SLC35F3: variants seen among roughly 807,000 people sequenced by gnomAD.
The protein encoded by SLC35F3 is solute carrier family 35 member F3.
SLC35F3 carries 25 observed loss-of-function variants against 49.9 expected under a neutral mutation model. The ratio of observed to expected loss-of-function variants is 0.50; its 90% CI spans 0.37 to 0.70. SLC35F3 has a LOEUF of 0.70. SLC35F3 is among the 30% of genes least tolerant of loss of function. SLC35F3 has a pLI of 0.00. For synonymous variants in SLC35F3, 275 were observed against 265.4 expected (o/e 1.04, Z -0.35); for missense variants, 525 against 639.8 (o/e 0.82, Z 1.94).
At position 234,303,694 on chromosome 1, in the gene SLC35F3, TGTG is replaced by T. The variant is rs888742392; in HGVS notation, c.609-5400_609-5398del. Among the ~76,000 whole-genome samples the T allele has an allele frequency of 9.2e-4, 140 of 152,374 alleles. 1 individual carries two copies. The highest frequency in any genetic ancestry group is 3.3e-3 in the African/African-American group (137 of 41,594). On this transcript the variant is annotated intron_variant, in intron 3 of 7. Coordinates refer to ENST00000366618, the MANE Select transcript of SLC35F3 (RefSeq NM_173508.4). The stretch of plus-strand genomic sequence containing the variant: ...ATGATTGTCTAGCTTCCATTTTGGT[TGTG>T]GTGGTGTCTGATGAAATTACAATTT...
intron 2 of SLC35F3, among the ~76,000 whole-genome samples, chr1:234,206,739 C>T (rs954580089): frequency 6.6e-6 from 1 of 152,146 alleles, no homozygotes; most frequent in African/African-American, 2.4e-5. Flanking sequence ...TGGCTGCCTT[C>T]GGAGAGAGGC....
intron 2 of SLC35F3, among the ~76,000 whole-genome samples, chr1:234,122,445 A>T (rs1480282917): frequency 6.6e-6 from 1 of 152,234 alleles, no homozygotes; most frequent in African/African-American, 2.4e-5. Flanking sequence ...ATGGCATCAT[A>T]TTTGGGGCAT....
intron 2 of SLC35F3, among the ~76,000 whole-genome samples, chr1:234,155,432 C>G (rs927740496): frequency 7.3e-6 from 1 of 137,794 alleles, no homozygotes; most frequent in African/African-American, 3.0e-5. Context: ...TTTTGAGAGA[C>G]AAAGTCTTAC....
intron 2 of SLC35F3, among the ~76,000 whole-genome samples, chr1:234,029,070 C>G (rs1664019605): frequency 6.6e-6 from 1 of 152,200 alleles, no homozygotes; most frequent in Non-Finnish European, 1.5e-5. Flanking sequence ...AACATTTTGA[C>G]AAATTCTGTT....
At chr1:234,193,646 A>G (rs964201916) in intron 2 of SLC35F3, among the ~76,000 whole-genome samples, 23 of 152,258 alleles carry the variant, frequency 1.5e-4, no homozygotes, top group African/African-American at 5.5e-4. Flanking sequence ...GAGTCAGCAG[A>G]GTAAAGAGAC....
chr1:234,272,984 A>G (rs1672262670), intron 3 of SLC35F3, among the ~76,000 whole-genome samples: 1 of 152,188 alleles, frequency 6.6e-6, no homozygotes, highest in South Asian at 2.1e-4. Context: ...TAATGAGGCT[A>G]CATGAACTGC....
chr1:234,125,899 C>T (rs1056355049), intron 2 of SLC35F3, among the ~76,000 whole-genome samples: 70 of 152,188 alleles, frequency 4.6e-4, no homozygotes, highest in African/African-American at 1.6e-3. Context: ...GCTGCTGGGC[C>T]GGGAGCCGTG....
intron 6 of SLC35F3, 109 bp downstream of exon 6, chr1:234,319,052 G>C (rs1657555948): frequency 1.1e-6 from 1 of 874,768 alleles, no homozygotes; most frequent in South Asian, 1.7e-5. Flanking sequence ...CTATTCTTTA[G>C]TTCTCACTGG....
chr1:234,321,248 G>A (rs1232157120), intron 7 of SLC35F3, among the ~76,000 whole-genome samples: 4 of 152,206 alleles, frequency 2.6e-5, no homozygotes, highest in Non-Finnish European at 5.9e-5. Context: ...CAGGCCTGGG[G>A]GAGGTGTCAG....
chr1:234,030,633 TAGG>T (rs1480777808), intron 2 of SLC35F3, among the ~76,000 whole-genome samples: 1 of 152,142 alleles, frequency 6.6e-6, no homozygotes, highest in Non-Finnish European at 1.5e-5. Flanking sequence ...GGCACAAAAA[TAGG>T]AGGAGATTAG....
At chr1:234,007,417 G>A (rs975535158) in intron 2 of SLC35F3, among the ~76,000 whole-genome samples, 2 of 152,106 alleles carry the variant, frequency 1.3e-5, no homozygotes, top group South Asian at 2.1e-4. Context: ...TTCCTCCTGC[G>A]GAGAAGGGCC....
intron 3 of SLC35F3, among the ~76,000 whole-genome samples, chr1:234,268,262 G>T (rs1366375998): frequency 6.6e-6 from 1 of 152,188 alleles, no homozygotes; most frequent in Non-Finnish European, 1.5e-5. Flanking sequence ...AGACCAGCCC[G>T]GCCAACACAG....
At chr1:233,939,759 G>A (rs150692586) in intron 2 of SLC35F3, among the ~76,000 whole-genome samples, 29 of 152,272 alleles carry the variant, frequency 1.9e-4, no homozygotes, top group African/African-American at 6.0e-4. Context: ...AGAAGTCAGC[G>A]TGAAGCCTGT....
chr1:233,954,119 G>T (rs985865268), intron 2 of SLC35F3, among the ~76,000 whole-genome samples: 4 of 151,524 alleles, frequency 2.6e-5, no homozygotes, highest in Non-Finnish European at 5.9e-5. Context: ...CTATTCTCCT[G>T]CCTCGGCCTC....
chr1:234,218,299 G>T (rs1179980607), intron 2 of SLC35F3, among the ~76,000 whole-genome samples: 1 of 152,132 alleles, frequency 6.6e-6, no homozygotes, highest in Non-Finnish European at 1.5e-5. Flanking sequence ...CCCCCAAGAG[G>T]CGTGCAGCAA....
intron 2 of SLC35F3, among the ~76,000 whole-genome samples, chr1:234,089,972 C>G (rs1050591664): frequency 6.6e-6 from 1 of 152,236 alleles, no homozygotes; most frequent in Non-Finnish European, 1.5e-5. Context: ...TGAAAGAATA[C>G]TTTCCTTTGC....
At chr1:234,121,024 G>C (rs547427698) in intron 2 of SLC35F3, among the ~76,000 whole-genome samples, 1 of 150,944 alleles carries the variant, frequency 6.6e-6, no homozygotes, top group East Asian at 1.9e-4. Flanking sequence ...ACAAACTTTT[G>C]AGTTTTAACC....
intron 2 of SLC35F3, among the ~76,000 whole-genome samples, chr1:233,964,288 C>T (rs1207049575): frequency 5.9e-5 from 9 of 152,170 alleles, no homozygotes; most frequent in African/African-American, 1.7e-4. Flanking sequence ...GAGGCGTGCT[C>T]AAAATGCACA....
At chr1:234,162,355 C>G (rs985132503) in intron 2 of SLC35F3, among the ~76,000 whole-genome samples, 1 of 113,126 alleles carries the variant, frequency 8.8e-6, no homozygotes, top group African/African-American at 3.5e-5. Context: ...TCATGGATTC[C>G]AGGAACATTC....
Sources: allele counts gnomAD v4.1 joint callset (sites outside exome capture counted in the v4.1 genomes callset), GRCh38; gene constraint gnomAD v4.1.1; transcripts MANE v1.5; gene names NCBI Gene and HGNC (gene_info 2026-07-23, HGNC 2026-07-21).